The following ADAM10 variants were observed in gnomAD, a reference collection of about 807,000 sequenced individuals.
ADAM10 encodes the protein ADAM metallopeptidase domain 10.
In ADAM10, 17 loss-of-function variants were observed where a neutral mutation model predicts 90.1. That is an observed-to-expected ratio of 0.19 (90% CI 0.13 to 0.28). The LOEUF (loss-of-function observed/expected upper bound fraction) is 0.28, where lower values mean the gene tolerates loss of function less well. ADAM10 is among the 10% of genes least tolerant of loss of function. ADAM10 has a pLI of 1.00. For synonymous variants in ADAM10, 310 were observed against 298.6 expected (o/e 1.04, Z -0.40); for missense variants, 610 against 914.3 (o/e 0.67, Z 4.29).
In ADAM10 at chr15:58,595,815, C is replaced by T. The variant is rs1595975884; in HGVS notation, c.*1732G>A. The T allele has an allele frequency of 6.6e-6, 1 of 152,128 alleles. No individual in the cohort carries two copies. Among genetic ancestry groups the T allele is most frequent in the Admixed American group, 6.5e-5 (1 of 15,272 alleles). 9.4% of individuals were successfully genotyped at this position (152,128 alleles called of 1,614,324 possible). On this transcript the variant is annotated 3_prime_UTR_variant, in exon 16 of 16. Coordinates refer to ENST00000260408, the MANE Select transcript of ADAM10 (RefSeq NM_001110.4). Reference sequence around the variant, plus strand: ...TTTAGAAATGCAAACCCACTTCCAACCTTTGCACAGTCCAAAAACAAAGGC... The same window carrying T: ...TTTAGAAATGCAAACCCACTTCCAATCTTTGCACAGTCCAAAAACAAAGGC...
chr15:58,682,641 A>C (rs914089927), intron 2 of ADAM10, among the ~76,000 whole-genome samples: 3 of 152,160 alleles, frequency 2.0e-5, no homozygotes, highest in African/African-American at 7.2e-5. Flanking sequence ...TCCTGACCCA[A>C]TTACTATTAT....
chr15:58,635,264 G>C (rs546001863), intron 8 of ADAM10, among the ~76,000 whole-genome samples: 3 of 91,620 alleles, frequency 3.3e-5, no homozygotes, highest in Admixed American at 3.4e-4. Flanking sequence ...GACAGAGCAA[G>C]ACTCTGTCTC....
At chr15:58,608,355 A>G (rs970951215) in intron 14 of ADAM10, among the ~76,000 whole-genome samples, 57 of 152,238 alleles carry the variant, frequency 3.7e-4, no homozygotes, top group Non-Finnish European at 7.2e-4. Context: ...TACTAACTGG[A>G]AGGGCACTTC....
At chr15:58,670,760 C>T (rs1202875361) in intron 4 of ADAM10, among the ~76,000 whole-genome samples, 12 of 152,080 alleles carry the variant, frequency 7.9e-5, no homozygotes, top group African/African-American at 2.9e-4. Context: ...AATTTACATA[C>T]AAGAATAGCC....
chr15:58,700,823 T>A (rs1475688677), intron 2 of ADAM10, among the ~76,000 whole-genome samples: 1 of 151,672 alleles, frequency 6.6e-6, no homozygotes, highest in Non-Finnish European at 1.5e-5. Flanking sequence ...GAGACCAGCA[T>A]GAGCAACATA....
rs547579152 is a variant in ADAM10, at chr15:58,716,700, G to T, written c.206+877C>A. Among the ~76,000 whole-genome samples the T allele has an allele frequency of 8.7e-5, 13 of 149,998 alleles. No individual in the cohort carries two copies. In the South Asian group the frequency reaches 2.1e-3, roughly 24 times the overall value. On this transcript the variant is annotated intron_variant, in intron 2 of 15. Transcript: ENST00000260408. ...TGAAAAAAGAAGTATTTAGAGAAAA[G>T]TCATCTCATAGCAGTAGAATAGCTT...
chr15:58,687,944 C>G (rs1333059399), intron 2 of ADAM10, among the ~76,000 whole-genome samples: 1 of 152,102 alleles, frequency 6.6e-6, no homozygotes, highest in Non-Finnish European at 1.5e-5. Flanking sequence ...ACAAGGGAGT[C>G]TGGTGATGCT....
intron 5 of ADAM10, among the ~76,000 whole-genome samples, chr15:58,647,089 T>G (rs1419452628): frequency 6.6e-6 from 1 of 152,072 alleles, no homozygotes; most frequent in East Asian, 1.9e-4. Context: ...TCTTACATAG[T>G]GCAACCTTAC....
At chr15:58,691,358 CAT>C in intron 2 of ADAM10, 1 of 963,512 alleles carries the variant, frequency 1.0e-6, no homozygotes, top group Non-Finnish European at 1.7e-6. Flanking sequence ...TGGGCTCACT[CAT>C]ATATATTACC....
intron 2 of ADAM10, among the ~76,000 whole-genome samples, chr15:58,711,889 G>C (rs937380208): frequency 6.6e-6 from 1 of 151,988 alleles, no homozygotes; most frequent in Non-Finnish European, 1.5e-5. Flanking sequence ...CTTTGAAACG[G>C]TGTTTCAGAA....
intron 2 of ADAM10, among the ~76,000 whole-genome samples, chr15:58,705,466 T>C (rs1898251852): frequency 6.6e-6 from 1 of 152,118 alleles, no homozygotes; most frequent in South Asian, 2.1e-4. Flanking sequence ...TGATAGCAAA[T>C]TTTTAAAATG....
chr15:58,638,757 C>A (rs1896339001), intron 8 of ADAM10, among the ~76,000 whole-genome samples: 1 of 152,012 alleles, frequency 6.6e-6, no homozygotes, highest in African/African-American at 2.4e-5. Flanking sequence ...CACTGAGTGT[C>A]CCAAAAACCC....
intron 9 of ADAM10, among the ~76,000 whole-genome samples, chr15:58,630,382 TGAG>T (rs1350830729): frequency 1.3e-5 from 2 of 152,154 alleles, no homozygotes; most frequent in Non-Finnish European, 2.9e-5. Flanking sequence ...ATTTGACAGA[TGAG>T]GAGAGATAAC....
chr15:58,729,656 C>T (rs960135906), intron 1 of ADAM10, among the ~76,000 whole-genome samples: 2 of 152,070 alleles, frequency 1.3e-5, no homozygotes, highest in Non-Finnish European at 2.9e-5. Flanking sequence ...TTTTGAGCTC[C>T]AACATGATGC....
At position 58,627,958 on chromosome 15, in the gene ADAM10, T is replaced by G. The variant is rs145284338; in HGVS notation, c.1177-75A>C. 1.4e-3 allele frequency: 1,925 copies of G among 1,418,112 alleles called. 21 individuals are homozygous for G. In the African/African-American group the frequency reaches 0.024, roughly 18 times the overall value. The allele number at this position is 1,418,112 out of a possible 1,614,324, so 87.8% of individuals were successfully genotyped here. ...TCAGGTCAACTGATTAAACGTAATG[T>G]TCTCATCAGGAAAACAATGGAAGCT... On this transcript the variant is annotated intron_variant, in intron 9 of 15. Coordinates refer to ENST00000260408, the MANE Select transcript of ADAM10 (RefSeq NM_001110.4).
chr15:58,611,158 AT>A, intron 12 of ADAM10, 51 bp from the exon 13 acceptor site: 4 of 1,348,254 alleles, frequency 3.0e-6, no homozygotes, highest in Admixed American at 1.7e-5. Flanking sequence ...AGTCAAACCT[AT>A]TTTTTATAGT....
chr15:58,710,766 C>T (rs1288238916), intron 2 of ADAM10, among the ~76,000 whole-genome samples: 1 of 152,094 alleles, frequency 6.6e-6, no homozygotes, highest in Admixed American at 6.6e-5. Context: ...TATTTTTACA[C>T]CATTCAAATT....
intron 5 of ADAM10, among the ~76,000 whole-genome samples, chr15:58,647,246 G>GTTTTTTTTTTTTTTTTT (rs1323960397): frequency 2.7e-4 from 10 of 36,822 alleles, no homozygotes; most frequent in Admixed American, 1.1e-3. Flanking sequence ...TAGACACTAA[G>GTTTTTTTTTTTTTTTTT]TATTTTTTTT....
intron 1 of ADAM10, among the ~76,000 whole-genome samples, chr15:58,725,779 G>A (rs1238412206): frequency 6.6e-6 from 1 of 151,800 alleles, no homozygotes; most frequent in African/African-American, 2.4e-5. Context: ...AGTACTACAA[G>A]AAAAAAAGAA....
Sources: gnomAD v4.1 joint callset for allele counts (sites outside exome capture counted in the v4.1 genomes callset) on GRCh38, gnomAD v4.1.1 for gene constraint, MANE v1.5 for transcripts, NCBI Gene and HGNC (gene_info 2026-07-23, HGNC 2026-07-21) for gene names.